The following AADACL3 variants were observed in gnomAD, a reference collection of about 807,000 sequenced individuals.
AADACL3 encodes arylacetamide deacetylase-like 3.
AADACL3 carries 13 observed loss-of-function variants against 13.6 expected under a neutral mutation model. The ratio of observed to expected loss-of-function variants is 0.95; its 90% confidence interval spans 0.62 to 1.52. The LOEUF (loss-of-function observed/expected upper bound fraction) is 1.52. Ranked by LOEUF, AADACL3 falls within the 40% of genes most tolerant of loss-of-function variation. The pLI, the probability that AADACL3 is intolerant of heterozygous loss-of-function variation, is 0.00. For synonymous variants in AADACL3, 195 were observed against 197.0 expected (o/e 0.99, Z 0.08); for missense variants, 519 against 499.2 (o/e 1.04, Z -0.38).
chr1:12,724,124 C>T (rs1638320617), intron 3 of AADACL3, among the ~76,000 whole-genome samples: 1 of 152,120 alleles, frequency 6.6e-6, no homozygotes. Flanking sequence ...TATATTCCTT[C>T]ATCTATTCCT....
intron 1 of AADACL3, 51 bp from the exon 2 acceptor site, chr1:12,719,424 T>C: frequency 1.9e-6 from 3 of 1,560,174 alleles, no homozygotes; most frequent in Non-Finnish European, 2.6e-6. Context: ...AGACTCCAGA[T>C]GGCCTGTGAA....
At chr1:12,720,073 T>A (rs912228637) in intron 2 of AADACL3, among the ~76,000 whole-genome samples, 2 of 152,344 alleles carry the variant, frequency 1.3e-5, no homozygotes, top group South Asian at 2.1e-4. Flanking sequence ...AAGGATATTT[T>A]AAATGAAAAG....
intron 3 of AADACL3, among the ~76,000 whole-genome samples, chr1:12,721,399 C>CAAACA (rs1638257060): frequency 1.3e-5 from 2 of 151,922 alleles, no homozygotes; most frequent in East Asian, 1.9e-4. Flanking sequence ...TGTCTTAAAA[C>CAAACA]AAACAAAACA....
In AADACL3 at chr1:12,719,672, G is replaced by A. The variant is rs529074360; in HGVS notation, c.366G>A (p.Gly122=). 2.5e-5 allele frequency: 40 copies of A among 1,614,016 alleles called. 1 individual carries two copies. The South Asian group carries it at 3.8e-4, about 16-fold the overall frequency. The part of the protein sequence containing the change: ...KPGIVYYHGG[G]GVMGSLKTHH... ...GCATCGTGTACTACCACGGTGGCGG[G>A]GGCGTCATGGGGAGTTTGAGTAAGA... The change falls in exon 2 of 4, where the codon GGG becomes GGA. Residue 122 remains glycine, a synonymous_variant. Coordinates refer to ENST00000359318, the MANE Select transcript of AADACL3 (RefSeq NM_001103170.3).
rs200064385 is a variant in AADACL3, at chr1:12,725,370, G to T, written c.598G>T (p.Ala200Ser). The T allele has an allele frequency of 9.9e-6, 16 of 1,614,148 alleles. 1 individual carries two copies. The East Asian group carries it at 2.0e-4, about 20-fold the overall frequency. The change falls in exon 4 of 4, where the codon GCA becomes TCA. Residue 200 changes from alanine to serine, a missense_variant. Ala to Ser is a moderately conservative substitution (Grantham distance 99). Transcript: ENST00000359318. Reference sequence around the variant, plus strand: ...TGACAGTTTCGGAGGGGCAATAGCCGCAGTGGTTTGTCAACAACTTGTGGA... The same window carrying T: ...TGACAGTTTCGGAGGGGCAATAGCCTCAGTGGTTTGTCAACAACTTGTGGA... Reference protein sequence around the residue: ...CGDSFGGAIAAVVCQQLVDRP... With the variant: ...CGDSFGGAIASVVCQQLVDRP...
At chr1:12,719,426 G>A in intron 1 of AADACL3, 49 bp from the exon 2 acceptor site, 1 of 1,564,808 alleles carries the variant, frequency 6.4e-7, no homozygotes, top group African/African-American at 1.4e-5. Flanking sequence ...ACTCCAGATG[G>A]CCTGTGAAGA....
rs57800632 is a variant in AADACL3 at position 12,723,847 on chromosome 1, G to A, written c.450-1375G>A. On this transcript the variant is annotated intron_variant, in intron 3 of 3. Transcript: ENST00000359318. Reference sequence around the variant, plus strand: ...TGCCCAGGTTGGAGTGCAAGAGCGCGATCTCGGCTCACCACAACTTCTGCC... The same window carrying A: ...TGCCCAGGTTGGAGTGCAAGAGCGCAATCTCGGCTCACCACAACTTCTGCC... 8.9e-3 allele frequency among the ~76,000 whole-genome samples: 1,298 copies of A among 146,442 alleles called. 16 individuals are homozygous for A. The highest frequency in any genetic ancestry group is 0.03 in the African/African-American group (1,186 of 38,916).
chr1:12,718,137 A>G (rs1648479303), intron 1 of AADACL3, among the ~76,000 whole-genome samples: 1 of 152,204 alleles, frequency 6.6e-6, no homozygotes, highest in Non-Finnish European at 1.5e-5. Context: ...GGAAGAACCT[A>G]TATTATTATG....
rs747645917 is a variant in AADACL3 at position 12,720,893 on chromosome 1, T to C, written c.396T>C (p.His132=). The C allele has an allele frequency of 1.2e-6, 2 of 1,608,372 alleles. No individual in the cohort carries two copies. The highest frequency in any genetic ancestry group is 1.7e-6 in the Non-Finnish European group (2 of 1,176,234). Residue 132 remains histidine, a synonymous_variant, in exon 3 of 4, where the codon CAT becomes CAC. Transcript: ENST00000359318. ...GGVMGSLKTH[H]GICSRLCKES... ...CCATTTATTTTCTAGAAACCCACCA[T>C]GGCATATGCTCTCGTTTGTGCAAGG... is the stretch of plus-strand genomic sequence containing the variant.
chr1:12,722,831 C>A (rs1326583258), intron 3 of AADACL3, among the ~76,000 whole-genome samples: 2 of 151,992 alleles, frequency 1.3e-5, no homozygotes, highest in Non-Finnish European at 2.9e-5. Flanking sequence ...TGCTGTGTAT[C>A]TCTGGCCTCT....
rs1174373039 is a variant in AADACL3 at position 12,726,071 on chromosome 1, G to C, written c.*75G>C. ...GCCTCCCACAGGGCTCTCTGTTGCTGATTTAGGTGGTGCATAGTGGGGCTA... is the reference window on the plus strand; with the variant it reads ...GCCTCCCACAGGGCTCTCTGTTGCTCATTTAGGTGGTGCATAGTGGGGCTA... On this transcript the variant is annotated 3_prime_UTR_variant, in exon 4 of 4. Transcript: ENST00000359318. The C allele has an allele frequency of 2.0e-6, 3 of 1,502,870 alleles. No homozygotes were observed. Among genetic ancestry groups the C allele is most frequent in the Non-Finnish European group, 2.7e-6 (3 of 1,117,748 alleles). 93.1% of individuals were successfully genotyped at this position (1,502,870 alleles called of 1,614,324 possible).
In AADACL3 at chr1:12,727,799, C is replaced by G. The variant is rs1373768575; in HGVS notation, c.*1803C>G. ...CACTGGAGTCCAATGGGTGAGGCCG[C>G]CTCTGAGACAAGCCTCTGAGTTGAG... On this transcript the variant is annotated 3_prime_UTR_variant, in exon 4 of 4. Coordinates refer to ENST00000359318, the MANE Select transcript of AADACL3 (RefSeq NM_001103170.3). 6.6e-6 allele frequency: 1 copy of G among 152,202 alleles called. No homozygotes were observed. Among genetic ancestry groups the G allele is most frequent in the Non-Finnish European group, 1.5e-5 (1 of 68,026 alleles). The allele number at this position is 152,202 out of a possible 1,614,324, so 9.4% of individuals were successfully genotyped here.
chr1:12,721,525 C>T (rs989664264), intron 3 of AADACL3, among the ~76,000 whole-genome samples: 2 of 152,170 alleles, frequency 1.3e-5, no homozygotes, highest in African/African-American at 2.4e-5. Context: ...TAAACAGAGG[C>T]GTTTTGTGCA....
intron 1 of AADACL3, among the ~76,000 whole-genome samples, chr1:12,716,839 A>G (rs551281337): frequency 6.6e-6 from 1 of 152,282 alleles, no homozygotes; most frequent in Admixed American, 6.5e-5. Flanking sequence ...ACTGCTATCT[A>G]CCTGTTAGCT....
intron 2 of AADACL3, 77 bp from the exon 3 acceptor site, chr1:12,720,806 T>C: frequency 1.5e-6 from 2 of 1,305,118 alleles, no homozygotes; most frequent in Non-Finnish European, 2.2e-6. Context: ...AAGTGCTGTG[T>C]CTGTAGGAAG....
intron 1 of AADACL3, among the ~76,000 whole-genome samples, chr1:12,718,242 G>A (rs1426498177): frequency 6.6e-6 from 1 of 151,594 alleles, no homozygotes; most frequent in African/African-American, 2.4e-5. Flanking sequence ...AATGTTCTGG[G>A]CTGGGTGTAG....
chr1:12,726,120 A>G lies in AADACL3; in HGVS notation c.*124A>G. 9.2e-7 allele frequency: 1 copy of G among 1,090,164 alleles called. No individual in the cohort carries two copies. Among genetic ancestry groups the G allele is most frequent in the Non-Finnish European group, 1.3e-6 (1 of 776,526 alleles). The allele number at this position is 1,090,164 out of a possible 1,614,324, so 67.5% of individuals were successfully genotyped here. Reference sequence around the variant, plus strand: ...TAGGGAGGGGGTAGAGGTTGCTGTCACCTTTCTGGTCCAGGTTCTAGAACC... The same window carrying G: ...TAGGGAGGGGGTAGAGGTTGCTGTCGCCTTTCTGGTCCAGGTTCTAGAACC... On this transcript the variant is annotated 3_prime_UTR_variant, in exon 4 of 4. Transcript: ENST00000359318.
intron 2 of AADACL3, among the ~76,000 whole-genome samples, chr1:12,720,618 C>A (rs1259235016): frequency 2.0e-5 from 3 of 152,060 alleles, no homozygotes; most frequent in African/African-American, 7.2e-5. Context: ...GAGCTCACAC[C>A]CTAAACCTCT....
rs1390437906 is a variant in AADACL3 at position 12,727,330 on chromosome 1, T to C, written c.*1334T>C. 3 of 152,214 alleles carry C rather than the reference T, an allele frequency of 2.0e-5. No homozygotes were observed. Among genetic ancestry groups the C allele is most frequent in the Non-Finnish European group, 4.4e-5 (3 of 68,054 alleles). 9.4% of individuals were successfully genotyped at this position (152,214 alleles called of 1,614,324 possible). On this transcript the variant is annotated 3_prime_UTR_variant, in exon 4 of 4. Coordinates refer to ENST00000359318, the MANE Select transcript of AADACL3 (RefSeq NM_001103170.3). ...AGGTGGTGAGTGACAACGTTCCTAA[T>C]TGAAGGGTAGGGTAAATGGTTGTTG...
Sources: gnomAD v4.1 joint callset for allele counts (sites outside exome capture counted in the v4.1 genomes callset) on GRCh38, gnomAD v4.1.1 for gene constraint, MANE v1.5 for transcripts, NCBI Gene and HGNC (gene_info 2026-07-23, HGNC 2026-07-21) for gene names.